The following LRRC7 variants were observed in gnomAD, a reference collection of about 807,000 sequenced individuals.
LRRC7 encodes the protein leucine rich repeat containing 7.
A neutral mutation model predicts 175.7 loss-of-function variants in LRRC7; 23 were observed. The ratio of observed to expected loss-of-function variants is 0.13; its 90% CI spans 0.09 to 0.19. The LOEUF is 0.19. Ranked by LOEUF, LRRC7 falls within the 10% of genes least tolerant of loss-of-function variation. The pLI is 1.00. For missense variants in LRRC7, 1,354 were observed against 1,904.7 expected (o/e 0.71, Z 5.38); for synonymous variants, 685 against 680.9 (o/e 1.01, Z -0.09).
chr1:69,791,484 AT>A (rs1236328204), intron 3 of LRRC7, among the ~76,000 whole-genome samples: 2 of 151,938 alleles, frequency 1.3e-5, no homozygotes, highest in Admixed American at 6.6e-5. Flanking sequence ...ATTACGAGTG[AT>A]TTTTTTCACC....
intron 1 of LRRC7, among the ~76,000 whole-genome samples, chr1:69,620,710 T>C (rs1188139769): frequency 6.6e-6 from 1 of 152,232 alleles, no homozygotes; most frequent in African/African-American, 2.4e-5. Flanking sequence ...CTTAACGATA[T>C]TCCTCCTTTC....
chr1:69,852,985 G>A (rs1429969764), intron 7 of LRRC7, among the ~76,000 whole-genome samples: 1 of 152,012 alleles, frequency 6.6e-6, no homozygotes, highest in East Asian at 1.9e-4. Context: ...AATTGCTATA[G>A]GTAGCTTTTA....
chr1:70,074,984 G>C (rs1662670970), intron 23 of LRRC7, among the ~76,000 whole-genome samples: 1 of 152,090 alleles, frequency 6.6e-6, no homozygotes, highest in South Asian at 2.1e-4. Flanking sequence ...CATTTCACAA[G>C]CTTTCCTAGC....
chr1:69,694,339 G>C (rs1441938768), intron 2 of LRRC7, among the ~76,000 whole-genome samples: 4 of 152,066 alleles, frequency 2.6e-5, no homozygotes, highest in Non-Finnish European at 4.4e-5. Context: ...ATTTGATATA[G>C]TGTCATCATT....
At chr1:69,974,599 T>A (rs1023440615) in intron 8 of LRRC7, among the ~76,000 whole-genome samples, 1 of 152,210 alleles carries the variant, frequency 6.6e-6, no homozygotes, top group African/African-American at 2.4e-5. Context: ...TGGTTGAATG[T>A]AAGCCATTTA....
chr1:69,965,813 G>A (rs1327877), intron 8 of LRRC7, among the ~76,000 whole-genome samples: 125 of 152,154 alleles, frequency 8.2e-4, no homozygotes, highest in Middle Eastern at 3.4e-3. Flanking sequence ...TGTACAAGTA[G>A]GGTTGTCATC....
intron 4 of LRRC7, among the ~76,000 whole-genome samples, chr1:69,820,308 A>G (rs559589221): frequency 1.4e-4 from 22 of 152,282 alleles, no homozygotes; most frequent in African/African-American, 5.1e-4. Context: ...GATCACTTAT[A>G]AAAAATCCAC....
intron 7 of LRRC7, chr1:69,874,144 T>C (rs142973926): frequency 5.3e-4 from 80 of 152,282 alleles, no homozygotes; most frequent in African/African-American, 1.7e-3. Flanking sequence ...TTATGTAATT[T>C]AATGTGGAAC....
chr1:69,817,755 C>G (rs554521701), intron 4 of LRRC7, among the ~76,000 whole-genome samples: 1 of 152,186 alleles, frequency 6.6e-6, no homozygotes, highest in Non-Finnish European at 1.5e-5. Flanking sequence ...TTGTTTCACT[C>G]CGTGAATACA....
intron 25 of LRRC7, among the ~76,000 whole-genome samples, chr1:70,090,439 AT>A (rs1663941233): frequency 6.6e-6 from 1 of 151,994 alleles, no homozygotes; most frequent in Non-Finnish European, 1.5e-5. Flanking sequence ...AACCTCAGCC[AT>A]TTCCTGGACA....
At chr1:70,059,473 A>ATGTG (rs1558034876) in intron 23 of LRRC7, among the ~76,000 whole-genome samples, 11 of 99,624 alleles carry the variant, frequency 1.1e-4, no homozygotes, top group African/African-American at 4.0e-4. Flanking sequence ...AACTAGAAGA[A>ATGTG]AGTGTGTGTG....
chr1:69,613,975 AAATAT>A (rs1204832225), intron 1 of LRRC7, among the ~76,000 whole-genome samples: 4 of 152,050 alleles, frequency 2.6e-5, no homozygotes, highest in Non-Finnish European at 2.9e-5. Context: ...AATAATAAGA[AAATAT>A]AATAATATTT....
At chr1:69,750,124 A>T (rs1480833599) in intron 2 of LRRC7, among the ~76,000 whole-genome samples, 1 of 147,696 alleles carries the variant, frequency 6.8e-6, no homozygotes, top group Non-Finnish European at 1.5e-5. Context: ...GTTAAAGAGA[A>T]CTTGAATGTC....
At chr1:69,688,878 A>G (rs960615962) in intron 2 of LRRC7, among the ~76,000 whole-genome samples, 7 of 152,158 alleles carry the variant, frequency 4.6e-5, no homozygotes, top group African/African-American at 1.7e-4. Context: ...TGGAGCAGGT[A>G]AGATTACTCA....
At chr1:69,827,706 G>A (rs1218271595) in intron 5 of LRRC7, among the ~76,000 whole-genome samples, 1 of 152,018 alleles carries the variant, frequency 6.6e-6, no homozygotes, top group Non-Finnish European at 1.5e-5. Context: ...TGGTGTGGTG[G>A]TGTGTGCCTG....
rs1351691497 is a variant in LRRC7 at position 70,131,773 on chromosome 1, T to C, written c.*9886T>C. ...CTTTGGTATCTTATAGCCCAGTGTCTATACATTTACATGGGTAAAAGAATG... is the reference window on the plus strand; with the variant it reads ...CTTTGGTATCTTATAGCCCAGTGTCCATACATTTACATGGGTAAAAGAATG... On this transcript the variant is annotated 3_prime_UTR_variant, in exon 27 of 27. Coordinates refer to ENST00000651989, the MANE Select transcript of LRRC7 (RefSeq NM_001370785.2). Among the ~76,000 whole-genome samples the C allele has an allele frequency of 1.3e-5, 2 of 152,202 alleles. No homozygotes were observed. The highest frequency in any genetic ancestry group is 2.9e-5 in the Non-Finnish European group (2 of 68,032).
intron 1 of LRRC7, among the ~76,000 whole-genome samples, chr1:69,639,576 T>G (rs1653895152): frequency 6.6e-6 from 1 of 151,812 alleles, no homozygotes; most frequent in Admixed American, 6.6e-5. Context: ...AAGGACATCT[T>G]TAAAGGGGTT....
intron 1 of LRRC7, among the ~76,000 whole-genome samples, chr1:69,647,015 GA>G (rs951492749): frequency 1.3e-5 from 2 of 150,388 alleles, no homozygotes; most frequent in African/African-American, 2.4e-5. Context: ...ATCTTGGAAA[GA>G]AAAAAAAATG....
intron 2 of LRRC7, among the ~76,000 whole-genome samples, chr1:69,753,318 G>GTGTA (rs1553151136): frequency 6.6e-6 from 1 of 151,366 alleles, no homozygotes; most frequent in Non-Finnish European, 1.5e-5. Context: ...GTGTGTGTGT[G>GTGTA]TGTGTGTTAG....
Sources: allele counts gnomAD v4.1 joint callset (sites outside exome capture counted in the v4.1 genomes callset), GRCh38; gene constraint gnomAD v4.1.1; transcripts MANE v1.5; gene names NCBI Gene and HGNC (gene_info 2026-07-23, HGNC 2026-07-21).